Variants in CTBS observed in about 807,000 individuals in gnomAD.
The protein encoded by CTBS is di-N-acetylchitobiase.
A neutral mutation model predicts 44.3 loss-of-function variants in CTBS; 35 were observed. The observed-to-expected ratio is 0.79, with a 90% CI of 0.60 to 1.05. The LOEUF (loss-of-function observed/expected upper bound fraction) is 1.05, where lower values mean the gene tolerates loss of function less well. CTBS is among the 50% of genes least tolerant of loss of function. The pLI, the probability that CTBS is intolerant of heterozygous loss-of-function variation, is 0.00. For missense variants in CTBS, 458 were observed against 475.3 expected (o/e 0.96, Z 0.34); for synonymous variants, 143 against 168.0 (o/e 0.85, Z 1.15).
At chr1:84,571,101 C>T (rs12141472) in intron 1 of CTBS, among the ~76,000 whole-genome samples, 25,541 of 152,114 alleles carry the variant, frequency 0.17, 2,366 homozygotes, top group South Asian at 0.29. Context: ...TTAGTACTAC[C>T]TTGTTTATCC....
chr1:84,570,484 G>T, intron 2 of CTBS, 98 bp downstream of exon 2: 1 of 994,570 alleles, frequency 1.0e-6, no homozygotes, highest in Non-Finnish European at 1.5e-6. Flanking sequence ...AACAAAAACA[G>T]ATAAACATAA....
At chr1:84,565,748 A>G (rs557401356) in intron 4 of CTBS, 93 bp downstream of exon 4, 1 of 655,760 alleles carries the variant, frequency 1.5e-6, no homozygotes, top group African/African-American at 1.9e-5. Flanking sequence ...AAAAACGTAT[A>G]CATATAACTT....
chr1:84,566,590 A>G (rs538662936), intron 3 of CTBS, among the ~76,000 whole-genome samples: 1 of 152,314 alleles, frequency 6.6e-6, no homozygotes, highest in Admixed American at 6.5e-5. Context: ...AAATCATTTA[A>G]ATGATCTTAT....
At chr1:84,569,887 G>A in intron 3 of CTBS, 44 bp downstream of exon 3, 1 of 1,453,430 alleles carries the variant, frequency 6.9e-7, no homozygotes, top group South Asian at 1.2e-5. Flanking sequence ...AGTATATTCT[G>A]ATATGGAAAA....
chr1:84,555,007 G>C lies in CTBS; in HGVS notation c.1150C>G (p.Gln384Glu), dbSNP rs1245977786. 2 of 1,613,176 alleles carry C rather than the reference G, an allele frequency of 1.2e-6. No individual in the cohort carries two copies. The highest frequency in any genetic ancestry group is 1.7e-6 in the Non-Finnish European group (2 of 1,179,398). ...GGTTTGACAAAAGATGTTCATCTCT[G>C]TAACAGCTTTGGCTTTAAGACTTCC... ...MWEVLKPKLL[Q>E]R The change falls in exon 7 of 7, where the codon CAG becomes GAG. Residue 384 changes from glutamine to glutamate, a missense_variant. Coordinates refer to ENST00000370630, the MANE Select transcript of CTBS (RefSeq NM_004388.3).
intron 6 of CTBS, among the ~76,000 whole-genome samples, chr1:84,561,967 T>C (rs971343781): frequency 6.6e-6 from 1 of 152,244 alleles, no homozygotes; most frequent in Non-Finnish European, 1.5e-5. Flanking sequence ...TGTGGTGGTC[T>C]AGAACTGACT....
In CTBS at chr1:84,565,829, T is replaced by A; in HGVS notation, c.697+12A>T. 7.0e-7 allele frequency: 1 copy of A among 1,430,786 alleles called. No homozygotes were observed. The highest frequency in any genetic ancestry group is 9.3e-7 in the Non-Finnish European group (1 of 1,077,514). The allele number at this position is 1,430,786 out of a possible 1,614,324, so 88.6% of individuals were successfully genotyped here. A position where few individuals can be genotyped will look rare whatever the true frequency, so the allele number is the denominator to read the frequency against. On this transcript the variant is annotated intron_variant, in intron 4 of 6. Coordinates refer to ENST00000370630, the MANE Select transcript of CTBS (RefSeq NM_004388.3). The stretch of plus-strand genomic sequence containing the variant: ...TAATATTATTAATAAATGACCATGT[T>A]TAGAGTCTTACCAGTTAATGTCTGA...
Position 84,563,718 on chromosome 1 carries a change from C to A in CTBS, c.795+17G>T. ...ATAATAGATAATAAAAATTATGTAACAAATGACTGTTCCTACCTCAGACAG... is the reference window on the plus strand; with the variant it reads ...ATAATAGATAATAAAAATTATGTAAAAAATGACTGTTCCTACCTCAGACAG... On this transcript the variant is annotated intron_variant, in intron 5 of 6. Transcript: ENST00000370630. 6.9e-7 allele frequency: 1 copy of A among 1,448,146 alleles called. No individual in the cohort carries two copies. Among genetic ancestry groups the A allele is most frequent in the Non-Finnish European group, 9.4e-7 (1 of 1,064,932 alleles). 89.7% of individuals were successfully genotyped at this position (1,448,146 alleles called of 1,614,324 possible).
At chr1:84,559,478 C>T (rs1684547197) in intron 6 of CTBS, among the ~76,000 whole-genome samples, 1 of 151,884 alleles carries the variant, frequency 6.6e-6, no homozygotes, top group South Asian at 2.1e-4. Context: ...AAAAATTAGC[C>T]GGGCATGGTA....
intron 6 of CTBS, among the ~76,000 whole-genome samples, chr1:84,561,138 G>C (rs1684587492): frequency 6.6e-6 from 1 of 152,170 alleles, no homozygotes; most frequent in Non-Finnish European, 1.5e-5. Flanking sequence ...TTTTGGAAAG[G>C]ATTCACCATT....
Position 84,551,162 on chromosome 1 carries a change from A to T in CTBS, c.*3837T>A. On this transcript the variant is annotated 3_prime_UTR_variant, in exon 7 of 7. Transcript: ENST00000370630. ...ATGTATTAAAAAGCTTTTTTGTTGA[A>T]CAGAAAACAGAAGATTATACATTTT... 2 of 985,240 alleles carry T rather than the reference A, an allele frequency of 2.0e-6. No homozygotes were observed. Among genetic ancestry groups the T allele is most frequent in the Non-Finnish European group, 2.4e-6 (2 of 829,828 alleles). 61.0% of individuals were successfully genotyped at this position (985,240 alleles called of 1,614,324 possible). A position where few individuals can be genotyped will look rare whatever the true frequency, so the allele number is the denominator to read the frequency against.
Position 84,553,693 on chromosome 1 carries a change from ACT to A in CTBS, c.*1304_*1305del, listed in dbSNP as rs1397136328. ...AACATATACTATGAAAATGGTTTTT[ACT>A]CTGTCACAAACAATTGTGTAAATAG... On this transcript the variant is annotated 3_prime_UTR_variant, in exon 7 of 7. Coordinates refer to ENST00000370630, the MANE Select transcript of CTBS (RefSeq NM_004388.3). 1 of 152,134 alleles carries A rather than the reference ACT, an allele frequency of 6.6e-6. No individual in the cohort carries two copies. Among genetic ancestry groups the A allele is most frequent in the African/African-American group, 2.4e-5 (1 of 41,448 alleles). 9.4% of individuals were successfully genotyped at this position (152,134 alleles called of 1,614,324 possible).
At chr1:84,564,977 T>G (rs551476633) in intron 4 of CTBS, among the ~76,000 whole-genome samples, 2 of 152,082 alleles carry the variant, frequency 1.3e-5, no homozygotes, top group South Asian at 4.1e-4. Flanking sequence ...AGGTCGAGGT[T>G]ACAGTGGGCT....
chr1:84,573,184 C>T (rs1647368112), intron 1 of CTBS, among the ~76,000 whole-genome samples: 1 of 152,166 alleles, frequency 6.6e-6, no homozygotes, highest in South Asian at 2.1e-4. Flanking sequence ...TGCCAACTAA[C>T]CTCTAACTAG....
intron 3 of CTBS, among the ~76,000 whole-genome samples, chr1:84,569,484 T>C (rs1647231051): frequency 6.6e-6 from 1 of 152,206 alleles, no homozygotes; most frequent in Non-Finnish European, 1.5e-5. Context: ...ACACTGCCTA[T>C]TGTTATAGCT....
intron 6 of CTBS, among the ~76,000 whole-genome samples, chr1:84,555,453 G>A (rs1457144526): frequency 1.3e-5 from 2 of 152,104 alleles, no homozygotes; most frequent in African/African-American, 2.4e-5. Flanking sequence ...TAGACTTTAC[G>A]ATGGATTTAT....
rs757082869 is a variant in CTBS, at chr1:84,574,341, C to CAGCAGCGCT, written c.66_74dup (p.Leu31_Leu33dup). 34 of 1,534,006 alleles carry CAGCAGCGCT rather than the reference C, an allele frequency of 2.2e-5. No homozygotes were observed. Among genetic ancestry groups the CAGCAGCGCT allele is most frequent in the South Asian group, 5.9e-5 (5 of 84,420 alleles). On this transcript the variant is annotated inframe_insertion, in exon 1 of 7. Coordinates refer to ENST00000370630, the MANE Select transcript of CTBS (RefSeq NM_004388.3). ...GCAGCGCCAGCAGCGCCAGCAGCGCCAGCAGCGCTAGACCCGGGACGCCGC... is the reference window on the plus strand; with the variant it reads ...GCAGCGCCAGCAGCGCCAGCAGCGCCAGCAGCGCTAGCAGCGCTAGACCCGGGACGCCGC...
Position 84,554,749 on chromosome 1 carries a change from A to C in CTBS, c.*250T>G. 3.0e-6 allele frequency: 1 copy of C among 330,130 alleles called. No homozygotes were observed. The highest frequency in any genetic ancestry group is 7.3e-5 in the South Asian group (1 of 13,624). 20.5% of individuals were successfully genotyped at this position (330,130 alleles called of 1,614,324 possible). On this transcript the variant is annotated 3_prime_UTR_variant, in exon 7 of 7. Coordinates refer to ENST00000370630, the MANE Select transcript of CTBS (RefSeq NM_004388.3). The stretch of plus-strand genomic sequence containing the variant: ...ATTCTGAAAGCAATTTTTCCCAATT[A>C]AATTATAGTGTTGAAACATCTAATA...
In CTBS at chr1:84,574,361, C is replaced by T. The variant is rs373271011; in HGVS notation, c.55G>A (p.Val19Ile). 6.4e-7 allele frequency: 1 copy of T among 1,566,524 alleles called. No homozygotes were observed. Among genetic ancestry groups the T allele is most frequent in the African/African-American group, 1.4e-5 (1 of 72,692 alleles). ...AGCGCCAGCAGCGCTAGACCCGGGACGCCGCTCGGCGGGCTAGAGACGAGG... is the reference window on the plus strand; with the variant it reads ...AGCGCCAGCAGCGCTAGACCCGGGATGCCGCTCGGCGGGCTAGAGACGAGG... The part of the protein sequence containing the change: ...WRLVSSPPSG[V>I]PGLALLALLA... The change falls in exon 1 of 7, where the codon GTC becomes ATC. Residue 19 changes from valine (V) to isoleucine (I), a missense_variant. Val to Ile is a conservative substitution (Grantham distance 29). Transcript: ENST00000370630.
Sources: gnomAD v4.1 joint callset for allele counts (sites outside exome capture counted in the v4.1 genomes callset) on GRCh38, gnomAD v4.1.1 for gene constraint, MANE v1.5 for transcripts, NCBI Gene and HGNC (gene_info 2026-07-23, HGNC 2026-07-21) for gene names.